ARL13B: variants seen among roughly 807,000 people sequenced by gnomAD.
The protein encoded by ARL13B is ARF like GTPase 13B.
In ARL13B, 36 loss-of-function variants were observed where a neutral mutation model predicts 56.1. The ratio of observed to expected loss-of-function variants is 0.64; its 90% CI spans 0.49 to 0.85. ARL13B has a LOEUF of 0.85. Ranked by LOEUF, ARL13B falls within the 40% of genes least tolerant of loss-of-function variation. ARL13B has a pLI of 0.00. For missense variants in ARL13B, 519 were observed against 507.1 expected, an observed-to-expected ratio of 1.02 and a Z score of -0.23; for synonymous variants, 178 against 171.1, an observed-to-expected ratio of 1.04 and a Z score of -0.32.
rs1469828805 is a variant in ARL13B at position 94,029,328 on chromosome 3, A to ATT, written c.381-6002_381-6001insTT. ...TATATATATATATATATATATATAT[A>ATT]TATATATTTATTTTTTTTTTATTTT... On this transcript the variant is annotated intron_variant, in intron 3 of 9. Coordinates refer to ENST00000394222, the MANE Select transcript of ARL13B (RefSeq NM_001174150.2). 3.9e-3 allele frequency among the ~76,000 whole-genome samples: 383 copies of ATT among 98,686 alleles called. 6 individuals carry two copies. The highest frequency in any genetic ancestry group is 0.015 in the African/African-American group (300 of 19,818). The allele number at this position is 98,686 out of a possible 152,430, so 64.7% of individuals were successfully genotyped here. A position where few individuals can be genotyped will look rare whatever the true frequency, so the allele number is the denominator to read the frequency against.
chr3:94,015,069 A>G (rs147240845), intron 3 of ARL13B: 3 of 1,613,906 alleles, frequency 1.9e-6, no homozygotes, highest in Non-Finnish European at 2.5e-6. Flanking sequence ...ATTTTTGAAC[A>G]TTATCTGCCA....
At chr3:93,980,572 C>G in intron 1 of ARL13B, 90 bp downstream of exon 1, 1 of 1,512,438 alleles carries the variant, frequency 6.6e-7, no homozygotes, top group South Asian at 1.1e-5. Context: ...CGCGCCTGGA[C>G]GAGTCTATCC....
At chr3:94,007,119 C>T (rs2076148595) in intron 3 of ARL13B, among the ~76,000 whole-genome samples, 1 of 152,094 alleles carries the variant, frequency 6.6e-6, no homozygotes. Context: ...ACGCACAGTG[C>T]CTTAGAAGTC....
At chr3:94,045,752 G>A (rs2076971285) in intron 7 of ARL13B, among the ~76,000 whole-genome samples, 1 of 151,546 alleles carries the variant, frequency 6.6e-6, no homozygotes, top group Admixed American at 6.6e-5. Context: ...CACGAGGACA[G>A]GAGATCGAGA....
intron 6 of ARL13B, among the ~76,000 whole-genome samples, chr3:94,041,711 AAAT>A (rs766393760): frequency 8.5e-4 from 130 of 152,292 alleles, no homozygotes; most frequent in Non-Finnish European, 1.7e-3. Context: ...ATTACTATGA[AAAT>A]AATGAGAATC....
Position 94,055,106 on chromosome 3 carries a change from A to G in ARL13B, c.*1843A>G. 1 of 369,854 alleles carries G rather than the reference A, an allele frequency of 2.7e-6. No individual in the cohort carries two copies. Among genetic ancestry groups the G allele is most frequent in the Non-Finnish European group, 5.1e-6 (1 of 194,200 alleles). 22.9% of individuals were successfully genotyped at this position (369,854 alleles called of 1,614,324 possible). The stretch of plus-strand genomic sequence containing the variant: ...ATATAATATAGAATTCACATTTTAT[A>G]TAGCTCTCTCAAAAATTAATTTTTA... On this transcript the variant is annotated 3_prime_UTR_variant, in exon 10 of 10. Coordinates refer to ENST00000394222, the MANE Select transcript of ARL13B (RefSeq NM_001174150.2).
chr3:93,981,801 G>T (rs1463029666), intron 1 of ARL13B, among the ~76,000 whole-genome samples: 1 of 147,704 alleles, frequency 6.8e-6, no homozygotes, highest in African/African-American at 2.5e-5. Context: ...TTGAGCCTGG[G>T]AGGCGGAGGT....
At position 94,053,775 on chromosome 3, in the gene ARL13B, A is replaced by T; in HGVS notation, c.*512A>T. 1.7e-5 allele frequency: 5 copies of T among 295,276 alleles called. 1 individual carries two copies. Among genetic ancestry groups the T allele is most frequent in the South Asian group, 1.6e-4 (5 of 31,158 alleles). 18.3% of individuals were successfully genotyped at this position (295,276 alleles called of 1,614,324 possible). A position where few individuals can be genotyped will look rare whatever the true frequency, so the allele number is the denominator to read the frequency against. ...TATTGATTATACACCTTTTTTATAG[A>T]TGATTTGTTTAAATTATATCTGGAA... is the stretch of plus-strand genomic sequence containing the variant. On this transcript the variant is annotated 3_prime_UTR_variant, in exon 10 of 10. Transcript: ENST00000394222.
intron 3 of ARL13B, among the ~76,000 whole-genome samples, chr3:94,024,508 A>G (rs897904004): frequency 1.3e-5 from 2 of 152,218 alleles, no homozygotes; most frequent in African/African-American, 2.4e-5. Context: ...CTTTGGTTGC[A>G]TGGTTTGGAA....
At chr3:94,022,886 C>A (rs949613524) in intron 3 of ARL13B, among the ~76,000 whole-genome samples, 4 of 151,926 alleles carry the variant, frequency 2.6e-5, no homozygotes, top group Non-Finnish European at 4.4e-5. Flanking sequence ...TAATTTTGTA[C>A]ATACATCACT....
rs1218138862 is a variant in ARL13B at position 94,029,344 on chromosome 3, TTTTTA to T, written c.381-5982_381-5978del. ...TATATATATATATATATTTATTTTT[TTTTTA>T]TTTTTTTTTTTTTTTGAGAAGGAGT... On this transcript the variant is annotated intron_variant, in intron 3 of 9. Transcript: ENST00000394222. Among the ~76,000 whole-genome samples, 162 of 102,496 alleles carry T rather than the reference TTTTTA, an allele frequency of 1.6e-3. 1 individual carries two copies. The highest frequency in any genetic ancestry group is 2.2e-3 in the Non-Finnish European group (118 of 53,850). 67.2% of individuals were successfully genotyped at this position (102,496 alleles called of 152,430 possible). A position where few individuals can be genotyped will look rare whatever the true frequency, so the allele number is the denominator to read the frequency against.
chr3:93,995,920 G>T lies in ARL13B; in HGVS notation c.106G>T (p.Ala36Ser), dbSNP rs139780924. The T allele has an allele frequency of 6.2e-7, 1 of 1,613,218 alleles. No homozygotes were observed. The highest frequency in any genetic ancestry group is 8.5e-7 in the Non-Finnish European group (1 of 1,179,508). Residue 36 changes from alanine to serine, a missense_variant, in exon 2 of 10, where the codon GCA (alanine) becomes TCA (serine). Physicochemically the swap from Ala to Ser is moderately conservative, Grantham distance 99. Transcript: ENST00000394222. Reference sequence around the variant, plus strand: ...GGGACTTGATAATGCTGGTAAAACCGCAACAGCAAAGGGAATCCAAGGAGG... The same window carrying T: ...GGGACTTGATAATGCTGGTAAAACCTCAACAGCAAAGGGAATCCAAGGAGG... ...MVGLDNAGKT[A>S]TAKGIQGEYP...
chr3:94,002,588 C>T (rs533656292), intron 2 of ARL13B, among the ~76,000 whole-genome samples: 1 of 152,282 alleles, frequency 6.6e-6, no homozygotes, highest in East Asian at 1.9e-4. Flanking sequence ...GAACTTTTCT[C>T]TGTAGCCATG....
intron 1 of ARL13B, among the ~76,000 whole-genome samples, chr3:93,994,440 T>C (rs11706741): frequency 4.0e-5 from 6 of 151,354 alleles, no homozygotes; most frequent in Non-Finnish European, 5.9e-5. Flanking sequence ...TCTGTTTTTT[T>C]CCCCGTAGTA....
intron 1 of ARL13B, among the ~76,000 whole-genome samples, chr3:93,984,864 G>A (rs369803893): frequency 6.6e-6 from 1 of 151,978 alleles, no homozygotes; most frequent in South Asian, 2.1e-4. Flanking sequence ...TAAAAAATTA[G>A]CCAGAAGTAG....
At chr3:94,016,649 C>G (rs75639523) in intron 3 of ARL13B, among the ~76,000 whole-genome samples, 1 of 142,480 alleles carries the variant, frequency 7.0e-6, no homozygotes, top group Non-Finnish European at 1.5e-5. Flanking sequence ...ATTAAGCTTT[C>G]TTTTTTTTTT....
At chr3:94,001,605 C>A (rs1462648140) in intron 2 of ARL13B, among the ~76,000 whole-genome samples, 1 of 152,090 alleles carries the variant, frequency 6.6e-6, no homozygotes. Flanking sequence ...AAAGAACATA[C>A]AAATTCTGTG....
At chr3:93,982,533 A>G (rs984041270) in intron 1 of ARL13B, among the ~76,000 whole-genome samples, 2 of 152,248 alleles carry the variant, frequency 1.3e-5, no homozygotes, top group African/African-American at 2.4e-5. Flanking sequence ...TAACTTTTGC[A>G]TATGCTAGGT....
At chr3:94,010,159 C>G (rs1024508633) in intron 3 of ARL13B, among the ~76,000 whole-genome samples, 1 of 152,018 alleles carries the variant, frequency 6.6e-6, no homozygotes, top group Non-Finnish European at 1.5e-5. Flanking sequence ...CAGAAAGGCC[C>G]TAAGTAGGTT....
Sources: gnomAD v4.1 joint callset for allele counts (sites outside exome capture counted in the v4.1 genomes callset) on GRCh38, gnomAD v4.1.1 for gene constraint, MANE v1.5 for transcripts, NCBI Gene and HGNC (gene_info 2026-07-23, HGNC 2026-07-21) for gene names.